Variants in IL1RAPL2 observed in about 807,000 individuals in gnomAD.
The protein encoded by IL1RAPL2 is interleukin 1 receptor accessory protein like 2.
A neutral mutation model predicts 44.1 loss-of-function variants in IL1RAPL2; 3 were observed. The ratio of observed to expected loss-of-function variants is 0.07; its 90% CI spans 0.03 to 0.18. The LOEUF is 0.18. IL1RAPL2 is among the 10% of genes least tolerant of loss of function. IL1RAPL2 has a pLI of 1.00. For synonymous variants in IL1RAPL2, 181 were observed against 178.8 expected, an observed-to-expected ratio of 1.01 and a Z score of -0.10; for missense variants, 391 against 496.4, an observed-to-expected ratio of 0.79 and a Z score of 2.02.
At chrX:105,557,426 A>G (rs1411907949) in intron 6 of IL1RAPL2, among the ~76,000 whole-genome samples, 1 of 111,916 alleles carries the variant, frequency 8.9e-6, no homozygotes, top group Non-Finnish European at 1.9e-5. Context: ...AATACCTCGA[A>G]TCTACATATT....
chrX:104,837,745 G>T (rs1360070245), intron 2 of IL1RAPL2, among the ~76,000 whole-genome samples: 2 of 111,659 alleles, frequency 1.8e-5, no homozygotes, highest in Non-Finnish European at 3.8e-5. Flanking sequence ...GATCCCATTT[G>T]TCAATTTTGG....
intron 1 of IL1RAPL2, among the ~76,000 whole-genome samples, chrX:104,589,662 T>A (rs1928627084): frequency 8.9e-6 from 1 of 112,424 alleles, no homozygotes; most frequent in South Asian, 3.7e-4. Flanking sequence ...ACCATTTGAT[T>A]TTATGATGTC....
At chrX:105,464,079 A>C (rs1459542921) in intron 5 of IL1RAPL2, among the ~76,000 whole-genome samples, 1 of 112,243 alleles carries the variant, frequency 8.9e-6, no homozygotes, top group Non-Finnish European at 1.9e-5. Flanking sequence ...ATCTTCTGAC[A>C]AAGATGTCTT....
intron 2 of IL1RAPL2, among the ~76,000 whole-genome samples, chrX:104,659,270 G>C (rs1417004755): frequency 2.7e-5 from 3 of 111,888 alleles, no homozygotes; most frequent in African/African-American, 9.7e-5. Flanking sequence ...ATTTGCTAGT[G>C]AATAAATACC....
chrX:104,637,335 T>C (rs1352396759), intron 1 of IL1RAPL2, among the ~76,000 whole-genome samples: 3 of 111,724 alleles, frequency 2.7e-5, no homozygotes, highest in Non-Finnish European at 5.6e-5. Context: ...CTGACTGTTC[T>C]GGCTAGTACT....
intron 2 of IL1RAPL2, among the ~76,000 whole-genome samples, chrX:104,677,401 G>C (rs931949213): frequency 4.5e-5 from 5 of 111,130 alleles, no homozygotes; most frequent in African/African-American, 1.6e-4. Flanking sequence ...CTCCCAGTTA[G>C]GGTGCTCAGG....
chrX:105,188,978 C>T (rs1342969969), intron 2 of IL1RAPL2, among the ~76,000 whole-genome samples: 1 of 112,059 alleles, frequency 8.9e-6, no homozygotes, highest in African/African-American at 3.2e-5. Context: ...GAGAGTTTGA[C>T]TTGCTTGTGC....
intron 7 of IL1RAPL2, among the ~76,000 whole-genome samples, chrX:105,723,616 G>A (rs1262956657): frequency 1.8e-5 from 2 of 111,038 alleles, no homozygotes; most frequent in Non-Finnish European, 3.8e-5. Context: ...ACCTTAAATG[G>A]GTAATTTAAA....
At chrX:105,702,338 A>G (rs141183767) in intron 6 of IL1RAPL2, among the ~76,000 whole-genome samples, 8,197 of 111,284 alleles carry the variant, frequency 0.074, 295 homozygotes, top group Admixed American at 0.15. Context: ...GCAAGGCACA[A>G]AGAACACACT....
chrX:105,747,535 T>TATAC (rs1569471422), intron 8 of IL1RAPL2, among the ~76,000 whole-genome samples: 39 of 67,440 alleles, frequency 5.8e-4, no homozygotes, highest in African/African-American at 1.6e-3. Context: ...TATATATATA[T>TATAC]ACACACACAC....
intron 2 of IL1RAPL2, among the ~76,000 whole-genome samples, chrX:104,810,365 G>A (rs756008960): frequency 9.9e-5 from 11 of 110,604 alleles, no homozygotes; most frequent in African/African-American, 3.6e-4. Flanking sequence ...GTATACATAT[G>A]TAACTAACCT....
chrX:104,911,690 A>G (rs1474251363), intron 2 of IL1RAPL2, among the ~76,000 whole-genome samples: 1 of 111,648 alleles, frequency 9.0e-6, no homozygotes, highest in African/African-American at 3.3e-5. Context: ...CATGATGTAT[A>G]GAATAGAATC....
chrX:105,363,309 A>ATATATATATATATATAATATAT (rs2035266910), intron 5 of IL1RAPL2, among the ~76,000 whole-genome samples: 1 of 55,694 alleles, frequency 1.8e-5, no homozygotes, highest in African/African-American at 1.9e-4. Flanking sequence ...TATATATATA[A>ATATATATATATATATAATATAT]TATATATATA....
chrX:105,581,065 A>G lies in IL1RAPL2; in HGVS notation c.772+96678A>G, dbSNP rs1361999316. The stretch of plus-strand genomic sequence containing the variant: ...GGCATAGTGAAGAGAACCTAGAAGC[A>G]CGGGCTTAACCCAGAATCTAGGATG... On this transcript the variant is annotated intron_variant, in intron 6 of 10. Coordinates refer to ENST00000372582, the MANE Select transcript of IL1RAPL2 (RefSeq NM_017416.2). Among the ~76,000 whole-genome samples, 24 of 111,089 alleles carry G rather than the reference A, an allele frequency of 2.2e-4. 1 individual carries two copies. Among genetic ancestry groups the G allele is most frequent in the Non-Finnish European group, 2.1e-4 (11 of 53,015 alleles).
rs185226365 is a variant in IL1RAPL2, at chrX:105,708,613, C to G, written c.773-8754C>G. On this transcript the variant is annotated intron_variant, in intron 6 of 10. Transcript: ENST00000372582. ...TGTTCTCAAATGACAAAGGTGACCT[C>G]TTTTTTGGGAAGTAATGGTTACTCT... Among the ~76,000 whole-genome samples the G allele has an allele frequency of 2.1e-3, 233 of 111,544 alleles. 3 individuals carry two copies. The highest frequency in any genetic ancestry group is 7.3e-3 in the African/African-American group (225 of 30,774).
chrX:104,806,306 T>C (rs912725514), intron 2 of IL1RAPL2, among the ~76,000 whole-genome samples: 3 of 112,422 alleles, frequency 2.7e-5, no homozygotes. Flanking sequence ...TCAAAGCTAC[T>C]TACAGCTGAG....
intron 1 of IL1RAPL2, among the ~76,000 whole-genome samples, chrX:104,575,579 T>C (rs961556664): frequency 2.5e-4 from 28 of 111,553 alleles, no homozygotes; most frequent in African/African-American, 7.2e-4. Flanking sequence ...TAGTGGCAGA[T>C]GCTGCATATC....
chrX:104,998,325 G>A (rs2030785038), intron 2 of IL1RAPL2, among the ~76,000 whole-genome samples: 1 of 111,488 alleles, frequency 9.0e-6, no homozygotes, highest in Admixed American at 9.5e-5. Flanking sequence ...AGGCCCATTG[G>A]AGTGAAATGA....
chrX:105,181,268 C>T (rs1279682595), intron 2 of IL1RAPL2, among the ~76,000 whole-genome samples: 2 of 111,529 alleles, frequency 1.8e-5, no homozygotes, highest in Non-Finnish European at 3.8e-5. Flanking sequence ...TTCAAAAATC[C>T]AACTTTTCAT....
Sources: allele counts gnomAD v4.1 joint callset (sites outside exome capture counted in the v4.1 genomes callset), GRCh38; gene constraint gnomAD v4.1.1; transcripts MANE v1.5; gene names NCBI Gene and HGNC (gene_info 2026-07-23, HGNC 2026-07-21).